CFAP54: variants seen among roughly 807,000 people sequenced by gnomAD.
CFAP54 encodes the protein cilia- and flagella-associated protein 54.
A neutral mutation model predicts 370.4 loss-of-function variants in CFAP54; 290 were observed. The ratio of observed to expected loss-of-function variants is 0.78; its 90% CI spans 0.71 to 0.86. The LOEUF (loss-of-function observed/expected upper bound fraction) is 0.86. Ranked by LOEUF, CFAP54 falls within the 40% of genes least tolerant of loss-of-function variation. The probability of loss-of-function intolerance (pLI) is 0.00; values close to 1 mark genes in which losing one functional copy is unlikely to be tolerated. For synonymous variants in CFAP54, 1,206 were observed against 1,236.5 expected, an observed-to-expected ratio of 0.98 and a Z score of 0.52; for missense variants, 3,399 against 3,528.7, an observed-to-expected ratio of 0.96 and a Z score of 0.93.
chr12:96,807,185 A>G (rs1958890863), intron 63 of CFAP54, among the ~76,000 whole-genome samples: 1 of 152,200 alleles, frequency 6.6e-6, no homozygotes, highest in African/African-American at 2.4e-5. Context: ...ATGCTCACAT[A>G]TTATAGATGA....
intron 48 of CFAP54, among the ~76,000 whole-genome samples, chr12:96,714,803 C>A (rs1957656505): frequency 6.6e-6 from 1 of 151,694 alleles, no homozygotes. Context: ...GAAAAAGTAG[C>A]AGTCTGTTTT....
intron 19 of CFAP54, among the ~76,000 whole-genome samples, chr12:96,575,313 A>G (rs1955963743): frequency 1.3e-5 from 2 of 152,028 alleles, no homozygotes; most frequent in South Asian, 2.1e-4. Flanking sequence ...ATTTGAAAAC[A>G]TTTTCTCCCA....
At chr12:96,668,583 G>A (rs1227712421) in intron 39 of CFAP54, among the ~76,000 whole-genome samples, 3 of 152,102 alleles carry the variant, frequency 2.0e-5, no homozygotes, top group Non-Finnish European at 4.4e-5. Flanking sequence ...CTTCCACTGG[G>A]TTCTTCCCAT....
At chr12:96,687,641 A>G (rs1307891018) in intron 42 of CFAP54, among the ~76,000 whole-genome samples, 1 of 152,204 alleles carries the variant, frequency 6.6e-6, no homozygotes, top group East Asian at 1.9e-4. Context: ...GGGAAGTAAG[A>G]AAGTACTGCT....
chr12:96,719,291 A>G (rs569881584), intron 49 of CFAP54, among the ~76,000 whole-genome samples: 3 of 152,296 alleles, frequency 2.0e-5, no homozygotes, highest in South Asian at 4.1e-4. Flanking sequence ...GATCCAGGAG[A>G]AGGACTACAT....
At chr12:96,681,984 A>G (rs1002563305) in intron 40 of CFAP54, among the ~76,000 whole-genome samples, 1 of 152,194 alleles carries the variant, frequency 6.6e-6, no homozygotes, top group Non-Finnish European at 1.5e-5. Context: ...CTGGATACTA[A>G]GTTTAAGGAA....
chr12:96,503,672 T>C (rs1285152688), intron 2 of CFAP54, among the ~76,000 whole-genome samples: 1 of 152,150 alleles, frequency 6.6e-6, no homozygotes, highest in Non-Finnish European at 1.5e-5. Flanking sequence ...CCATCTCACA[T>C]AGGCTCATTG....
intron 62 of CFAP54, among the ~76,000 whole-genome samples, chr12:96,791,956 TCTC>T (rs1958702574): frequency 6.6e-6 from 1 of 151,878 alleles, no homozygotes; most frequent in Admixed American, 6.6e-5. Flanking sequence ...TTCAAGCAAT[TCTC>T]CTGCCTCAGC....
intron 63 of CFAP54, among the ~76,000 whole-genome samples, chr12:96,796,567 G>A (rs1958764792): frequency 2.0e-5 from 3 of 152,048 alleles, no homozygotes. Flanking sequence ...ACTGGTTTTC[G>A]GAAGTGGTGT....
chr12:96,516,932 T>G (rs565751155), intron 5 of CFAP54, among the ~76,000 whole-genome samples: 6 of 152,238 alleles, frequency 3.9e-5, no homozygotes, highest in Non-Finnish European at 8.8e-5. Context: ...GTATATTTCC[T>G]GCTCAACACC....
intron 32 of CFAP54, among the ~76,000 whole-genome samples, chr12:96,636,121 T>C (rs758486107): frequency 4.6e-5 from 7 of 152,192 alleles, no homozygotes; most frequent in Non-Finnish European, 1.0e-4. Flanking sequence ...TAGACTTACA[T>C]AGGTTCCACA....
chr12:96,626,419 G>A (rs1956549906), intron 29 of CFAP54, among the ~76,000 whole-genome samples: 1 of 151,540 alleles, frequency 6.6e-6, no homozygotes, highest in Non-Finnish European at 1.5e-5. Flanking sequence ...AAAGAAAAAT[G>A]TATTAGTGAA....
chr12:96,675,124 A>G (rs976233401), intron 39 of CFAP54, among the ~76,000 whole-genome samples: 2 of 152,086 alleles, frequency 1.3e-5, no homozygotes, highest in African/African-American at 4.8e-5. Flanking sequence ...GCACAGCAAA[A>G]GAAACTACCA....
At chr12:96,709,701 T>TTTATTATTA (rs71068827) in intron 48 of CFAP54, among the ~76,000 whole-genome samples, 23,154 of 143,936 alleles carry the variant, frequency 0.16, 2,033 homozygotes, top group East Asian at 0.24. Context: ...TTGATCATGG[T>TTTATTATTA]TTATTATTAT....
At position 96,743,885 on chromosome 12, in the gene CFAP54, G is replaced by T. The variant is rs115230871; in HGVS notation, c.7532G>T (p.Arg2511Leu). 2 of 1,613,092 alleles carry T rather than the reference G, an allele frequency of 1.2e-6. No individual in the cohort carries two copies. Among genetic ancestry groups the T allele is most frequent in the South Asian group, 1.1e-5 (1 of 90,896 alleles). ...ACAGGAAAATTAAATTTGTTAACTC[G>T]GGCTCATAGCATTCTAACTGAACAG... ...SKTGKLNLLT[R>L]AHSILTEQML... The change falls in exon 54 of 68, where the codon CGG (arginine) becomes CTG (leucine). Residue 2511 changes from arginine (R) to leucine (L), a missense_variant. Transcript: ENST00000524981.
chr12:96,846,877 G>A (rs1226633577), intron 66 of CFAP54, among the ~76,000 whole-genome samples: 1 of 152,086 alleles, frequency 6.6e-6, no homozygotes, highest in Non-Finnish European at 1.5e-5. Flanking sequence ...CTGACACCAA[G>A]CAATTCTATG....
intron 40 of CFAP54, among the ~76,000 whole-genome samples, chr12:96,680,089 G>A (rs1592705306): frequency 6.6e-6 from 1 of 152,160 alleles, no homozygotes; most frequent in African/African-American, 2.4e-5. Flanking sequence ...TTCATAAGTA[G>A]ACGGATTGAA....
At chr12:96,542,804 C>A (rs758527179) in intron 14 of CFAP54, among the ~76,000 whole-genome samples, 7 of 152,134 alleles carry the variant, frequency 4.6e-5, no homozygotes, top group Non-Finnish European at 7.4e-5. Flanking sequence ...TTGGTTTGTT[C>A]CAATCAGAAT....
At chr12:96,649,710 C>T (rs1956836739) in intron 34 of CFAP54, among the ~76,000 whole-genome samples, 181 bp from the exon 35 acceptor site, 1 of 152,180 alleles carries the variant, frequency 6.6e-6, no homozygotes, top group Non-Finnish European at 1.5e-5. Context: ...CTTTAAGACC[C>T]AAATACCTCC....
Sources: allele counts gnomAD v4.1 joint callset (sites outside exome capture counted in the v4.1 genomes callset), GRCh38; gene constraint gnomAD v4.1.1; transcripts MANE v1.5; gene names NCBI Gene and HGNC (gene_info 2026-07-23, HGNC 2026-07-21).